The following POT1 variants were observed in gnomAD, a reference collection of about 807,000 sequenced individuals.
POT1 encodes the protein protection of telomeres protein 1.
Under a neutral mutation model 78.5 loss-of-function variants are expected in POT1, and 47 were observed. That is an observed-to-expected ratio of 0.60 (90% CI 0.47 to 0.76). The LOEUF is 0.76. Among genes scored for constraint, POT1 ranks in the 30% least tolerant of loss-of-function variants. The probability of loss-of-function intolerance (pLI) is 0.00; values close to 1 mark genes in which losing one functional copy is unlikely to be tolerated. For synonymous variants in POT1, 259 were observed against 260.7 expected (o/e 0.99, Z 0.06); for missense variants, 646 against 749.9 (o/e 0.86, Z 1.62).
At chr7:124,913,376 A>C (rs1360020170) in intron 3 of POT1, among the ~76,000 whole-genome samples, 4 of 152,172 alleles carry the variant, frequency 2.6e-5, no homozygotes, top group African/African-American at 9.7e-5. Flanking sequence ...CTGGATAGCA[A>C]ATCCTCATTA....
chr7:124,848,667 G>GAAAAAA (rs11322299), intron 11 of POT1: 5 of 109,970 alleles, frequency 4.5e-5, no homozygotes, highest in Middle Eastern at 1.2e-3. Context: ...CATCTCAAAA[G>GAAAAAA]AAAAAAAAAA....
chr7:124,889,129 C>A (rs1268108117), intron 6 of POT1, among the ~76,000 whole-genome samples: 3 of 151,934 alleles, frequency 2.0e-5, no homozygotes, highest in Non-Finnish European at 4.4e-5. Flanking sequence ...AGAAAAAGCT[C>A]CTGAAGGAAA....
chr7:124,891,181 A>G (rs1481882003), intron 6 of POT1, among the ~76,000 whole-genome samples: 1 of 151,714 alleles, frequency 6.6e-6, no homozygotes, highest in Admixed American at 6.6e-5. Flanking sequence ...TGTCTGCTTC[A>G]TGGATTAAGC....
chr7:124,907,983 T>C (rs939100934), intron 3 of POT1, among the ~76,000 whole-genome samples: 1 of 152,054 alleles, frequency 6.6e-6, no homozygotes, highest in African/African-American at 2.4e-5. Context: ...AATAATAGCA[T>C]AAACTACAAG....
At chr7:124,830,357 G>A (rs1209070335) in intron 15 of POT1, among the ~76,000 whole-genome samples, 6 of 151,988 alleles carry the variant, frequency 3.9e-5, no homozygotes, top group East Asian at 1.9e-4. Flanking sequence ...ATAAAAGTTC[G>A]AAAGGTCCAT....
chr7:124,902,320 T>C lies in POT1; in HGVS notation c.-153-3946A>G, dbSNP rs757195472. Among the ~76,000 whole-genome samples the C allele has an allele frequency of 4.2e-4, 64 of 152,122 alleles. 1 individual carries two copies. The highest frequency in any genetic ancestry group is 3.2e-3 in the Middle Eastern group (1 of 316). On this transcript the variant is annotated intron_variant, in intron 3 of 18. Transcript: ENST00000357628. ...AAAGGGAAGCCCATCAGACTAATAG[T>C]GGATCTCTCAGGAGAAACTCTACAA...
At chr7:124,918,425 C>G (rs1005318019) in intron 2 of POT1, among the ~76,000 whole-genome samples, 1 of 152,136 alleles carries the variant, frequency 6.6e-6, no homozygotes, top group African/African-American at 2.4e-5. Flanking sequence ...GTGTGAAAGG[C>G]AGAAACTAAC....
chr7:124,927,964 T>A (rs574473676), intron 2 of POT1, among the ~76,000 whole-genome samples: 12 of 152,142 alleles, frequency 7.9e-5, no homozygotes, highest in Non-Finnish European at 1.5e-4. Context: ...CTACTTCATA[T>A]CATCAATATG....
intron 6 of POT1, among the ~76,000 whole-genome samples, chr7:124,885,327 G>A (rs1261898356): frequency 6.9e-6 from 1 of 144,650 alleles, no homozygotes; most frequent in South Asian, 2.2e-4. Flanking sequence ...TTTTTGATTA[G>A]TTGGACATGG....
intron 11 of POT1, among the ~76,000 whole-genome samples, chr7:124,848,194 A>G (rs1432625098): frequency 2.6e-5 from 4 of 152,172 alleles, no homozygotes; most frequent in Non-Finnish European, 5.9e-5. Context: ...GTCAAAACTC[A>G]TGGAGTGGTT....
chr7:124,842,270 T>TA (rs1172645019), intron 13 of POT1, among the ~76,000 whole-genome samples: 1 of 151,966 alleles, frequency 6.6e-6, no homozygotes, highest in Non-Finnish European at 1.5e-5. Context: ...GATTATGTAG[T>TA]AAAAGGATTA....
chr7:124,909,014 A>C (rs1383151791), intron 3 of POT1, among the ~76,000 whole-genome samples: 2 of 151,916 alleles, frequency 1.3e-5, no homozygotes, highest in Non-Finnish European at 2.9e-5. Context: ...GAACCAAGAC[A>C]AGAAGCCAAA....
intron 15 of POT1, among the ~76,000 whole-genome samples, chr7:124,830,071 C>G (rs17147583): frequency 0.39 from 59,958 of 151,878 alleles, 11,967 homozygotes; most frequent in East Asian, 0.5. Flanking sequence ...TAAACAGTCA[C>G]AACATGCAAG....
At chr7:124,854,237 T>C (rs1291896840) in intron 9 of POT1, among the ~76,000 whole-genome samples, 1 of 152,026 alleles carries the variant, frequency 6.6e-6, no homozygotes, top group South Asian at 2.1e-4. Context: ...AATTCATTTA[T>C]GTTTCACATA....
chr7:124,831,950 A>C (rs1794768439), intron 15 of POT1, among the ~76,000 whole-genome samples: 1 of 149,636 alleles, frequency 6.7e-6, no homozygotes, highest in African/African-American at 2.5e-5. Flanking sequence ...TAGAGAAGGG[A>C]TTGATATGGC....
chr7:124,868,088 T>C (rs1183897548), intron 7 of POT1, among the ~76,000 whole-genome samples: 2 of 152,150 alleles, frequency 1.3e-5, no homozygotes, highest in Non-Finnish European at 2.9e-5. Flanking sequence ...AGATCTTGAC[T>C]CTTGTTTTAA....
intron 11 of POT1, among the ~76,000 whole-genome samples, chr7:124,849,669 A>G (rs1167264266): frequency 6.6e-6 from 1 of 152,156 alleles, no homozygotes; most frequent in Non-Finnish European, 1.5e-5. Flanking sequence ...ATATTCAAGG[A>G]TGTTTATTAA....
intron 3 of POT1, among the ~76,000 whole-genome samples, chr7:124,910,347 C>T (rs774344642): frequency 2.6e-5 from 4 of 151,876 alleles, no homozygotes; most frequent in African/African-American, 4.8e-5. Context: ...GGAGATAGAG[C>T]GGTTTCTCTA....
Position 124,892,259 on chromosome 7 carries a change from T to A in POT1, c.124+7A>T, listed in dbSNP as rs769945908. On this transcript the variant is annotated splice_region_variant and intron_variant, in intron 6 of 18. Coordinates refer to ENST00000357628, the MANE Select transcript of POT1 (RefSeq NM_015450.3). Reference sequence around the variant, plus strand: ...CTCCAAAAAACTCCACCAGTTTTAATACCTACCAGTTCCTTTGCTTAGATA... The same window carrying A: ...CTCCAAAAAACTCCACCAGTTTTAAAACCTACCAGTTCCTTTGCTTAGATA... 1 of 1,493,090 alleles carries A rather than the reference T, an allele frequency of 6.7e-7. No individual in the cohort carries two copies. The highest frequency in any genetic ancestry group is 9.0e-7 in the Non-Finnish European group (1 of 1,112,056). 92.5% of individuals were successfully genotyped at this position (1,493,090 alleles called of 1,614,324 possible).
Sources: gnomAD v4.1 joint callset for allele counts (sites outside exome capture counted in the v4.1 genomes callset) on GRCh38, gnomAD v4.1.1 for gene constraint, MANE v1.5 for transcripts, NCBI Gene and HGNC (gene_info 2026-07-23, HGNC 2026-07-21) for gene names.